Variants in IMMP2L observed in about 807,000 individuals in gnomAD.
IMMP2L encodes inner mitochondrial membrane peptidase subunit 2.
IMMP2L carries 18 observed loss-of-function variants against 19.3 expected under a neutral mutation model. That is an observed-to-expected ratio of 0.93 (90% CI 0.64 to 1.38). The LOEUF (loss-of-function observed/expected upper bound fraction) is 1.38. IMMP2L is among the 40% of genes most tolerant of loss of function. The pLI is 0.00. For missense variants in IMMP2L, 233 were observed against 218.2 expected, an observed-to-expected ratio of 1.07 and a Z score of -0.43; for synonymous variants, 76 against 73.0, an observed-to-expected ratio of 1.04 and a Z score of -0.21.
chr7:111,255,959 C>T (rs1345964742), intron 3 of IMMP2L, among the ~76,000 whole-genome samples: 1 of 151,978 alleles, frequency 6.6e-6, no homozygotes, highest in African/African-American at 2.4e-5. Context: ...CTGGAAACAA[C>T]AAATGCTTTT....
intron 3 of IMMP2L, among the ~76,000 whole-genome samples, chr7:111,009,982 G>C (rs1481238784): frequency 6.6e-6 from 1 of 152,080 alleles, no homozygotes; most frequent in Non-Finnish European, 1.5e-5. Context: ...CTCCGTGTCA[G>C]TGTCCCTGCT....
chr7:110,810,327 T>G (rs776088131), intron 5 of IMMP2L, among the ~76,000 whole-genome samples: 1 of 152,060 alleles, frequency 6.6e-6, no homozygotes, highest in African/African-American at 2.4e-5. Flanking sequence ...AATTCTTCAG[T>G]GAGAAAAATT....
chr7:111,376,490 G>A (rs941469104), intron 3 of IMMP2L, among the ~76,000 whole-genome samples: 3 of 152,050 alleles, frequency 2.0e-5, no homozygotes, highest in African/African-American at 7.2e-5. Flanking sequence ...AAAACAGTTT[G>A]GCATTTCCTC....
chr7:111,288,752 A>C (rs1164337600), intron 3 of IMMP2L, among the ~76,000 whole-genome samples: 3 of 152,170 alleles, frequency 2.0e-5, no homozygotes, highest in Non-Finnish European at 4.4e-5. Context: ...GGCAATCAAT[A>C]AAAAGTCAGG....
intron 3 of IMMP2L, among the ~76,000 whole-genome samples, chr7:111,379,733 T>C (rs1831018767): frequency 6.6e-6 from 1 of 151,828 alleles, no homozygotes; most frequent in Admixed American, 6.6e-5. Context: ...ATAACAAAAT[T>C]GTCTAACATG....
chr7:111,375,885 T>C (rs943147679), intron 3 of IMMP2L, among the ~76,000 whole-genome samples: 9 of 152,116 alleles, frequency 5.9e-5, no homozygotes, highest in Admixed American at 1.3e-4. Context: ...TATGAGATTA[T>C]GTAGTTGGGT....
chr7:111,537,832 G>A (rs778804159), intron 1 of IMMP2L, among the ~76,000 whole-genome samples: 29 of 151,978 alleles, frequency 1.9e-4, no homozygotes, highest in Non-Finnish European at 4.0e-4. Flanking sequence ...TGCTGGGCCA[G>A]TTCCTCTCTT....
At chr7:110,750,786 G>T (rs936542619) in intron 5 of IMMP2L, among the ~76,000 whole-genome samples, 1 of 152,048 alleles carries the variant, frequency 6.6e-6, no homozygotes, top group Admixed American at 6.6e-5. Context: ...GGACGAGGGT[G>T]AAACTAGTGA....
intron 3 of IMMP2L, among the ~76,000 whole-genome samples, chr7:111,296,621 T>A (rs1007424424): frequency 6.6e-6 from 1 of 150,792 alleles, no homozygotes; most frequent in African/African-American, 2.4e-5. Context: ...AAATTTTCTT[T>A]AAAAAAAAAT....
At chr7:111,381,909 C>A (rs546842949) in intron 3 of IMMP2L, among the ~76,000 whole-genome samples, 12 of 151,988 alleles carry the variant, frequency 7.9e-5, no homozygotes, top group African/African-American at 2.9e-4. Context: ...CTGTTATCAC[C>A]CATTGAAATA....
At chr7:111,502,019 C>A (rs866889390) in intron 2 of IMMP2L, among the ~76,000 whole-genome samples, 1 of 152,028 alleles carries the variant, frequency 6.6e-6, no homozygotes, top group Non-Finnish European at 1.5e-5. Context: ...TTAAAAGACA[C>A]AGACTGGCAA....
At chr7:111,075,587 C>A (rs1795331621) in intron 3 of IMMP2L, among the ~76,000 whole-genome samples, 1 of 152,130 alleles carries the variant, frequency 6.6e-6, no homozygotes, top group Non-Finnish European at 1.5e-5. Context: ...TTCTCTGAGC[C>A]TCCATAACAC....
At chr7:110,952,582 G>C (rs1817944074) in intron 4 of IMMP2L, among the ~76,000 whole-genome samples, 1 of 152,150 alleles carries the variant, frequency 6.6e-6, no homozygotes, top group African/African-American at 2.4e-5. Context: ...GCCAGTCCAA[G>C]AAGTGGGAAA....
chr7:111,295,710 A>G (rs1487488018), intron 3 of IMMP2L, among the ~76,000 whole-genome samples: 3 of 151,936 alleles, frequency 2.0e-5, no homozygotes, highest in African/African-American at 7.2e-5. Flanking sequence ...TACATACACA[A>G]GTAAAATTTA....
chr7:110,898,286 T>C (rs1259778184), intron 4 of IMMP2L, among the ~76,000 whole-genome samples: 1 of 151,318 alleles, frequency 6.6e-6, no homozygotes, highest in Non-Finnish European at 1.5e-5. Context: ...TTAAGGGCAA[T>C]ATGTCCAGGA....
chr7:110,881,439 ATTG>A (rs1809620169), intron 5 of IMMP2L, among the ~76,000 whole-genome samples: 1 of 152,196 alleles, frequency 6.6e-6, no homozygotes, highest in Non-Finnish European at 1.5e-5. Context: ...CCATAAAACT[ATTG>A]TTACCAATAT....
rs551280554 is a variant in IMMP2L, at chr7:110,854,677, C to G, written c.408+31916G>C. Among the ~76,000 whole-genome samples the G allele has an allele frequency of 4.1e-5, 6 of 147,766 alleles. No individual in the cohort carries two copies. The East Asian group carries it at 1.2e-3, about 29-fold the overall frequency. ...TTAATAACACTTAAAACACATGTAA[C>G]TAACATACTCTGAAAATAAATACAT... On this transcript the variant is annotated intron_variant, in intron 5 of 5. Coordinates refer to ENST00000405709, the MANE Select transcript of IMMP2L (RefSeq NM_032549.4).
intron 3 of IMMP2L, among the ~76,000 whole-genome samples, chr7:111,025,977 T>C (rs1289332277): frequency 6.6e-6 from 1 of 151,926 alleles, no homozygotes; most frequent in Non-Finnish European, 1.5e-5. Context: ...TCATTAAATG[T>C]TCTTCTCTAT....
At chr7:111,481,055 G>C (rs1675568507) in intron 3 of IMMP2L, among the ~76,000 whole-genome samples, 1 of 152,028 alleles carries the variant, frequency 6.6e-6, no homozygotes, top group African/African-American at 2.4e-5. Flanking sequence ...CTTATCGATA[G>C]AGAAGCAGCC....
Sources: gnomAD v4.1 joint callset for allele counts (sites outside exome capture counted in the v4.1 genomes callset) on GRCh38, gnomAD v4.1.1 for gene constraint, MANE v1.5 for transcripts, NCBI Gene and HGNC (gene_info 2026-07-23, HGNC 2026-07-21) for gene names.